The following CHST3 variants were observed in gnomAD, a reference collection of about 807,000 sequenced individuals.
CHST3 encodes the protein C6ST-1.
Under a neutral mutation model 35.4 loss-of-function variants are expected in CHST3, and 20 were observed. The observed-to-expected ratio is 0.57, with a 90% CI of 0.40 to 0.82. The LOEUF (loss-of-function observed/expected upper bound fraction) is 0.82, where lower values mean the gene tolerates loss of function less well. Among genes scored for constraint, CHST3 ranks in the 40% least tolerant of loss-of-function variants. The pLI is 0.00. For synonymous variants in CHST3, 334 were observed against 295.9 expected (o/e 1.13, Z -1.32); for missense variants, 693 against 670.1 (o/e 1.03, Z -0.38).
intron 1 of CHST3, among the ~76,000 whole-genome samples, chr10:71,993,032 G>A (rs1156903832): frequency 6.6e-6 from 1 of 152,210 alleles, no homozygotes; most frequent in African/African-American, 2.4e-5. Context: ...GGCTTTGAAT[G>A]TGGCCCAACA....
intron 1 of CHST3, among the ~76,000 whole-genome samples, chr10:71,997,556 A>G (rs1223313811): frequency 6.6e-6 from 1 of 152,198 alleles, no homozygotes; most frequent in Non-Finnish European, 1.5e-5. Context: ...CAAAGTGATA[A>G]TACATTCCTC....
At position 72,010,695 on chromosome 10, in the gene CHST3, C is replaced by G. The variant is rs1242897289; in HGVS notation, c.*2224C>G. 2 of 152,204 alleles carry G rather than the reference C, an allele frequency of 1.3e-5. No homozygotes were observed. The highest frequency in any genetic ancestry group is 4.8e-5 in the African/African-American group (2 of 41,438). The allele number at this position is 152,204 out of a possible 1,614,324, so 9.4% of individuals were successfully genotyped here. On this transcript the variant is annotated 3_prime_UTR_variant, in exon 3 of 3. Transcript: ENST00000373115. ...AGAGACATGGTTCTAATTTGGAGTT[C>G]AAAGGAACACCAGCTCTGAAAACAT...
chr10:71,978,967 T>C (rs1217969522), intron 1 of CHST3, among the ~76,000 whole-genome samples: 1 of 152,200 alleles, frequency 6.6e-6, no homozygotes, highest in Non-Finnish European at 1.5e-5. Flanking sequence ...TTCAATAACA[T>C]ACCAGGTTTC....
intron 1 of CHST3, among the ~76,000 whole-genome samples, chr10:71,977,448 ATTTT>A (rs10554998): frequency 8.5e-5 from 11 of 128,968 alleles, no homozygotes; most frequent in Non-Finnish European, 8.1e-5. Flanking sequence ...CCTAAGCTCG[ATTTT>A]TTTTTTTTTT....
At chr10:71,979,682 T>A (rs1839782493) in intron 1 of CHST3, among the ~76,000 whole-genome samples, 1 of 152,214 alleles carries the variant, frequency 6.6e-6, no homozygotes, top group African/African-American at 2.4e-5. Context: ...GTGACTTTAT[T>A]GTTTTTATTT....
intron 1 of CHST3, among the ~76,000 whole-genome samples, chr10:71,987,430 G>A (rs1451307143): frequency 6.6e-6 from 1 of 152,086 alleles, no homozygotes; most frequent in Non-Finnish European, 1.5e-5. Flanking sequence ...TAGAAACAGA[G>A]GAGACCGACG....
rs1169335843 is a variant in CHST3, at chr10:71,998,806, G to T, written c.-107-6930G>T. On this transcript the variant is annotated intron_variant, in intron 1 of 2. Coordinates refer to ENST00000373115, the MANE Select transcript of CHST3 (RefSeq NM_004273.5). ...GTTGGACAAAAGGAAATCAAAGATC[G>T]GTTCTTTCTTGGGAGAGGAAGAGCA... is the stretch of plus-strand genomic sequence containing the variant. 3.3e-5 allele frequency among the ~76,000 whole-genome samples: 5 copies of T among 152,200 alleles called. No individual in the cohort carries two copies. The East Asian group carries it at 9.6e-4, about 29-fold the overall frequency.
Position 72,005,858 on chromosome 10 carries a change from A to C in CHST3, c.16A>C (p.Thr6Pro), listed in dbSNP as rs777651127. MEKGLTLPQDCRDFVH... is the reference protein window; with the variant it reads MEKGLPLPQDCRDFVH... The stretch of plus-strand genomic sequence containing the variant: ...ACCTTTCCCCATGGAGAAAGGACTC[A>C]CTTTGCCCCAGGACTGCCGGGACTT... Residue 6 changes from threonine to proline, a missense_variant, in exon 2 of 3, where the codon ACT (threonine) becomes CCT (proline). Transcript: ENST00000373115. 3.1e-6 allele frequency: 5 copies of C among 1,614,212 alleles called. No homozygotes were observed. Among genetic ancestry groups the C allele is most frequent in the South Asian group, 1.1e-5 (1 of 91,086 alleles).
chr10:72,006,261 C>T (rs918991291), intron 2 of CHST3, among the ~76,000 whole-genome samples: 4 of 152,192 alleles, frequency 2.6e-5, no homozygotes, highest in Non-Finnish European at 4.4e-5. Context: ...ATTTCTGAGT[C>T]TTCGGTTCCT....
At chr10:71,968,121 T>TC (rs1282661375) in intron 1 of CHST3, among the ~76,000 whole-genome samples, 3 of 152,142 alleles carry the variant, frequency 2.0e-5, no homozygotes, top group Non-Finnish European at 4.4e-5. Context: ...TGGCCAGCAC[T>TC]CCCTTTTCTC....
At chr10:71,995,911 C>G (rs1839934404) in intron 1 of CHST3, among the ~76,000 whole-genome samples, 2 of 152,144 alleles carry the variant, frequency 1.3e-5, no homozygotes, top group South Asian at 4.2e-4. Flanking sequence ...AGAGCTCATG[C>G]TTTTGGAGAA....
rs1840129407 is a variant in CHST3, at chr10:72,013,142, G to A, written c.*4671G>A. 6.6e-6 allele frequency: 1 copy of A among 152,312 alleles called. No individual in the cohort carries two copies. The highest frequency in any genetic ancestry group is 6.5e-5 in the Admixed American group (1 of 15,278). The allele number at this position is 152,312 out of a possible 1,614,324, so 9.4% of individuals were successfully genotyped here. ...GTCTCCATCTCAGCTGTATATTCTA[G>A]TCCAAATTTTCCTGGCTCCCCTGCT... On this transcript the variant is annotated 3_prime_UTR_variant, in exon 3 of 3. Transcript: ENST00000373115.
chr10:71,985,950 A>G (rs1839843560), intron 1 of CHST3, among the ~76,000 whole-genome samples: 2 of 152,200 alleles, frequency 1.3e-5, no homozygotes, highest in South Asian at 4.1e-4. Context: ...CATTTCAGGA[A>G]TGTTCTATAA....
chr10:71,996,514 G>A (rs1056729404), intron 1 of CHST3, among the ~76,000 whole-genome samples: 2 of 150,230 alleles, frequency 1.3e-5, no homozygotes, highest in Non-Finnish European at 2.9e-5. Flanking sequence ...TTATAAAATA[G>A]ACTGCAACTG....
chr10:71,986,444 C>T (rs1839847785), intron 1 of CHST3, among the ~76,000 whole-genome samples: 1 of 152,258 alleles, frequency 6.6e-6, no homozygotes, highest in Admixed American at 6.5e-5. Flanking sequence ...TTCACAATAG[C>T]TGTGCCATCC....
intron 1 of CHST3, among the ~76,000 whole-genome samples, chr10:71,989,438 C>G (rs1554816423): frequency 6.6e-6 from 1 of 151,952 alleles, no homozygotes; most frequent in Non-Finnish European, 1.5e-5. Context: ...TGGAGCAAGA[C>G]CCGTCCTCAA....
chr10:72,008,447 GA>G lies in CHST3; in HGVS notation c.1417del (p.Arg473GlyfsTer45), dbSNP rs1840072392. The stretch of plus-strand genomic sequence containing the variant: ...ACCGCTCAGTCAGCCTGCTGGAGGA[GA>G]GGGGCACCTTCTGGGTCACGTAGGG... ...TNRSVSLLEERGTFWVT is the reference protein window; with the variant it reads ...TNRSVSLLEEXGTFWVT On this transcript the variant is annotated frameshift_variant, in exon 3 of 3. Transcript: ENST00000373115. LOFTEE classifies it high-confidence loss of function. 6.4e-7 allele frequency: 1 copy of G among 1,563,718 alleles called. No individual in the cohort carries two copies. Among genetic ancestry groups the G allele is most frequent in the African/African-American group, 1.4e-5 (1 of 74,016 alleles).
Position 71,991,378 on chromosome 10 carries a change from T to C in CHST3, c.-107-14358T>C, listed in dbSNP as rs114073971. ...TTCTGCCCTGCACGTCTGTGCTTTC[T>C]TTGGGCAGTTGCCCTCCGCCTTTTT... On this transcript the variant is annotated intron_variant, in intron 1 of 2. Transcript: ENST00000373115. Among the ~76,000 whole-genome samples, 489 of 152,372 alleles carry C rather than the reference T, an allele frequency of 3.2e-3. 7 individuals carry two copies. Among genetic ancestry groups the C allele is most frequent in the African/African-American group, 0.011 (461 of 41,582 alleles).
At chr10:71,992,051 A>C (rs970953668) in intron 1 of CHST3, among the ~76,000 whole-genome samples, 3 of 152,222 alleles carry the variant, frequency 2.0e-5, no homozygotes, top group African/African-American at 7.2e-5. Flanking sequence ...GCTAACAATC[A>C]TCTGAGACTT....
Sources: gnomAD v4.1 joint callset for allele counts (sites outside exome capture counted in the v4.1 genomes callset) on GRCh38, gnomAD v4.1.1 for gene constraint, MANE v1.5 for transcripts, NCBI Gene and HGNC (gene_info 2026-07-23, HGNC 2026-07-21) for gene names.